Variants in NEGR1 observed in about 807,000 individuals in gnomAD.
NEGR1 encodes neuronal growth regulator 1.
NEGR1 carries 10 observed loss-of-function variants against 40.9 expected under a neutral mutation model. The observed-to-expected ratio is 0.24, with a 90% CI of 0.15 to 0.42. The LOEUF (loss-of-function observed/expected upper bound fraction) is 0.42. Ranked by LOEUF, NEGR1 falls within the 10% of genes least tolerant of loss-of-function variation. The probability of loss-of-function intolerance (pLI) is 1.00; values close to 1 mark genes in which losing one functional copy is unlikely to be tolerated. For synonymous variants in NEGR1, 185 were observed against 166.8 expected (o/e 1.11, Z -0.84); for missense variants, 352 against 438.9 (o/e 0.80, Z 1.77).
At chr1:71,906,254 G>A (rs1661271665) in intron 2 of NEGR1, among the ~76,000 whole-genome samples, 1 of 151,986 alleles carries the variant, frequency 6.6e-6, no homozygotes, top group Non-Finnish European at 1.5e-5. Flanking sequence ...GGGAAAGGGA[G>A]TGAGGGACAA....
intron 5 of NEGR1, among the ~76,000 whole-genome samples, chr1:71,597,472 C>CTCTCTGTGTGTGTGTGTGTGTGTGTG (rs756076229): frequency 2.6e-4 from 8 of 31,324 alleles, no homozygotes; most frequent in African/African-American, 8.0e-4. Context: ...CTCTCTCTCT[C>CTCTCTGTGTGTGTGTGTGTGTGTGTG]TGTGTGTGTG....
At chr1:71,643,010 G>C (rs1252361855) in intron 4 of NEGR1, among the ~76,000 whole-genome samples, 3 of 151,924 alleles carry the variant, frequency 2.0e-5, no homozygotes, top group Non-Finnish European at 4.4e-5. Flanking sequence ...GGAATAAAAA[G>C]ACCAGACAAA....
At chr1:72,188,601 T>C in intron 1 of NEGR1, among the ~76,000 whole-genome samples, 1 of 151,504 alleles carries the variant, frequency 6.6e-6, no homozygotes, top group African/African-American at 2.4e-5. Context: ...CCTTTACAAT[T>C]ATTATTACTC....
intron 1 of NEGR1, among the ~76,000 whole-genome samples, chr1:72,096,838 T>TTTTG (rs1557524724): frequency 1.3e-5 from 2 of 151,838 alleles, no homozygotes; most frequent in South Asian, 2.1e-4. Flanking sequence ...TTTTTTGTAT[T>TTTTG]TTTTGTTTTG....
At chr1:71,938,410 G>GTT (rs571760372) in intron 1 of NEGR1, among the ~76,000 whole-genome samples, 18 of 109,862 alleles carry the variant, frequency 1.6e-4, no homozygotes, top group Non-Finnish European at 2.4e-4. Context: ...ATGTGTAGGT[G>GTT]TTTTTTTTTT....
At chr1:71,874,851 C>A (rs1258479318) in intron 2 of NEGR1, among the ~76,000 whole-genome samples, 1 of 151,638 alleles carries the variant, frequency 6.6e-6, no homozygotes, top group East Asian at 1.9e-4. Context: ...TTTTCTTTTT[C>A]TTTTCTTTTT....
Position 72,141,318 on chromosome 1 carries a change from A to T in NEGR1, c.176+141001T>A, listed in dbSNP as rs1333425799. Reference sequence around the variant, plus strand: ...ATGCATATGTCATTTCTAAGAAATTATAAAAAATACAAATGCTATATTTTG... The same window carrying T: ...ATGCATATGTCATTTCTAAGAAATTTTAAAAAATACAAATGCTATATTTTG... On this transcript the variant is annotated intron_variant, in intron 1 of 6. Coordinates refer to ENST00000357731, the MANE Select transcript of NEGR1 (RefSeq NM_173808.3). Among the ~76,000 whole-genome samples the T allele has an allele frequency of 4.6e-5, 7 of 152,192 alleles. No homozygotes were observed. The East Asian group carries it at 1.2e-3, about 25-fold the overall frequency.
At chr1:72,204,664 C>T (rs1343821561) in intron 1 of NEGR1, among the ~76,000 whole-genome samples, 2 of 151,548 alleles carry the variant, frequency 1.3e-5, no homozygotes, top group Non-Finnish European at 2.9e-5. Flanking sequence ...TAAGGACACA[C>T]AAAAAAAACT....
chr1:71,820,682 G>T (rs987950160), intron 2 of NEGR1, among the ~76,000 whole-genome samples: 1 of 151,888 alleles, frequency 6.6e-6, no homozygotes, highest in Admixed American at 6.6e-5. Flanking sequence ...TTGGGAGTTG[G>T]ATCTTTGGTC....
chr1:72,178,503 A>G (rs1652252000), intron 1 of NEGR1, among the ~76,000 whole-genome samples: 1 of 151,704 alleles, frequency 6.6e-6, no homozygotes, highest in Admixed American at 6.6e-5. Context: ...ACTCACAGAG[A>G]CTTGAGAGGC....
chr1:71,945,344 C>G (rs913385863), intron 1 of NEGR1, among the ~76,000 whole-genome samples: 1 of 152,042 alleles, frequency 6.6e-6, no homozygotes, highest in Admixed American at 6.6e-5. Flanking sequence ...ACTATTATTA[C>G]CCTACATCCC....
At chr1:71,767,791 C>A (rs954064659) in intron 3 of NEGR1, among the ~76,000 whole-genome samples, 1 of 152,218 alleles carries the variant, frequency 6.6e-6, no homozygotes, top group Non-Finnish European at 1.5e-5. Flanking sequence ...ATTTTGTGGG[C>A]CAGGCCCAGG....
At chr1:72,183,666 C>T (rs4548391) in intron 1 of NEGR1, among the ~76,000 whole-genome samples, 2,076 of 152,198 alleles carry the variant, frequency 0.014, 36 homozygotes, top group African/African-American at 0.047. Context: ...TATTACTATA[C>T]ATAAGAAAAA....
At chr1:71,426,856 C>A (rs939105704) in intron 6 of NEGR1, among the ~76,000 whole-genome samples, 1 of 152,206 alleles carries the variant, frequency 6.6e-6, no homozygotes, top group African/African-American at 2.4e-5. Context: ...TTATTATGGG[C>A]TTAATTGCTT....
intron 5 of NEGR1, among the ~76,000 whole-genome samples, chr1:71,595,128 T>C (rs1557580501): frequency 6.6e-6 from 1 of 152,244 alleles, no homozygotes; most frequent in South Asian, 2.1e-4. Context: ...CCACAGATGT[T>C]GCTGAATCAT....
In NEGR1 at chr1:71,398,063, C is replaced by T. The variant is rs1414715443; in HGVS notation, c.*9383G>A. 6.6e-6 allele frequency: 1 copy of T among 152,250 alleles called. No homozygotes were observed. The highest frequency in any genetic ancestry group is 1.5e-5 in the Non-Finnish European group (1 of 68,086). The allele number at this position is 152,250 out of a possible 1,614,324, so 9.4% of individuals were successfully genotyped here. On this transcript the variant is annotated 3_prime_UTR_variant, in exon 7 of 7. Coordinates refer to ENST00000357731, the MANE Select transcript of NEGR1 (RefSeq NM_173808.3). Reference sequence around the variant, plus strand: ...GGTGCATGGAAGTCAAAAATTGAGGCTTGGAAACCACCACCTAAATTTCAG... The same window carrying T: ...GGTGCATGGAAGTCAAAAATTGAGGTTTGGAAACCACCACCTAAATTTCAG...
chr1:71,968,023 G>A (rs1194770781), intron 1 of NEGR1, among the ~76,000 whole-genome samples: 2 of 150,608 alleles, frequency 1.3e-5, no homozygotes, highest in Non-Finnish European at 3.0e-5. Flanking sequence ...TACAACTACG[G>A]AAGACCAGCT....
chr1:71,867,000 A>C (rs1467296854), intron 2 of NEGR1, among the ~76,000 whole-genome samples: 3 of 152,234 alleles, frequency 2.0e-5, no homozygotes, highest in Non-Finnish European at 4.4e-5. Flanking sequence ...AGGCATAAAG[A>C]TTATCATATA....
At chr1:71,649,923 ACT>A (rs1223798892) in intron 4 of NEGR1, among the ~76,000 whole-genome samples, 3 of 152,024 alleles carry the variant, frequency 2.0e-5, no homozygotes, top group Non-Finnish European at 4.4e-5. Flanking sequence ...CAAAGGATGA[ACT>A]CTTTGATATT....
Sources: allele counts gnomAD v4.1 joint callset (sites outside exome capture counted in the v4.1 genomes callset), GRCh38; gene constraint gnomAD v4.1.1; transcripts MANE v1.5; gene names NCBI Gene and HGNC (gene_info 2026-07-23, HGNC 2026-07-21).